Variants in USP7 observed in about 807,000 individuals in gnomAD.
USP7 encodes the protein ubiquitin C-terminal hydrolase 7.
A neutral mutation model predicts 162.9 loss-of-function variants in USP7; 9 were observed. The observed-to-expected ratio is 0.06, with a 90% CI of 0.03 to 0.10. The LOEUF (loss-of-function observed/expected upper bound fraction) is 0.10, where lower values mean the gene tolerates loss of function less well. Among genes scored for constraint, USP7 ranks in the 10% least tolerant of loss-of-function variants. The pLI is 1.00. For missense variants in USP7, 715 were observed against 1,373.7 expected, an observed-to-expected ratio of 0.52 and a Z score of 7.58; for synonymous variants, 562 against 475.9, an observed-to-expected ratio of 1.18 and a Z score of -2.35.
chr16:8,931,913 C>G (rs139916831), intron 1 of USP7, among the ~76,000 whole-genome samples: 196 of 152,340 alleles, frequency 1.3e-3, no homozygotes, highest in African/African-American at 3.7e-3. Context: ...TGGACACCAA[C>G]AGAAATTAAG....
Position 8,920,393 on chromosome 16 carries a change from C to T in USP7, c.577G>A (p.Val193Ile). Residue 193 changes from valine to isoleucine, a missense_variant, in exon 5 of 31, where the codon GTC (valine) becomes ATC (isoleucine). Transcript: ENST00000344836. ...TGGGGAGCATCCGCCTGTACAAAGA[C>T]TTCAAAGGTAACTTTGTCATCATCT... is the stretch of plus-strand genomic sequence containing the variant. ...FIDDDKVTFE[V>I]FVQADAPHGV... The T allele has an allele frequency of 6.2e-7, 1 of 1,613,542 alleles. No homozygotes were observed. The highest frequency in any genetic ancestry group is 8.5e-7 in the Non-Finnish European group (1 of 1,179,884).
intron 1 of USP7, among the ~76,000 whole-genome samples, chr16:8,946,468 A>G (rs1671904437): frequency 6.6e-6 from 1 of 152,230 alleles, no homozygotes; most frequent in African/African-American, 2.4e-5. Context: ...CTTATGCTCC[A>G]GAAAGAAGCT....
In USP7 at chr16:8,903,340, C is replaced by T. The variant is rs1196903266; in HGVS notation, c.1767G>A (p.Val589=). The change falls in exon 16 of 31, where the codon GTG becomes GTA. Residue 589 remains valine, a synonymous_variant. Coordinates refer to ENST00000344836, the MANE Select transcript of USP7 (RefSeq NM_003470.3). The part of the protein sequence containing the change: ...QGNDMYDEEK[V]KYTVFKVLKN... Reference sequence around the variant, plus strand: ...TCAATACTTTGAACACAGTGTATTTCACTTTTTCTTCATCGTACATGTCAT... The same window carrying T: ...TCAATACTTTGAACACAGTGTATTTTACTTTTTCTTCATCGTACATGTCAT... 1 of 1,614,190 alleles carries T rather than the reference C, an allele frequency of 6.2e-7. No individual in the cohort carries two copies. The highest frequency in any genetic ancestry group is 1.1e-5 in the South Asian group (1 of 91,080).
chr16:8,906,909 T>G (rs2061869226), intron 12 of USP7, among the ~76,000 whole-genome samples: 1 of 152,206 alleles, frequency 6.6e-6, no homozygotes, highest in South Asian at 2.1e-4. Context: ...CATGTAAAAA[T>G]ATTTCCCACT....
rs76569125 is a variant in USP7 at position 8,958,586 on chromosome 16, C to A, written c.79+4621G>T. 6.5e-3 allele frequency among the ~76,000 whole-genome samples: 984 copies of A among 152,278 alleles called. 4 individuals carry two copies. The highest frequency in any genetic ancestry group is 0.011 in the Non-Finnish European group (773 of 68,028). On this transcript the variant is annotated intron_variant, in intron 1 of 30. Coordinates refer to ENST00000344836, the MANE Select transcript of USP7 (RefSeq NM_003470.3). Reference sequence around the variant, plus strand: ...TCAGGGGATGTCTGAGACAGCCAAACGGGCCTGGCAACAGGATGTGGGATA... The same window carrying A: ...TCAGGGGATGTCTGAGACAGCCAAAAGGGCCTGGCAACAGGATGTGGGATA...
chr16:8,911,831 C>T (rs1188109756), intron 10 of USP7, among the ~76,000 whole-genome samples: 1 of 152,118 alleles, frequency 6.6e-6, no homozygotes, highest in Non-Finnish European at 1.5e-5. Context: ...TTACCTGGGG[C>T]AAGGAAAAGA....
intron 2 of USP7, among the ~76,000 whole-genome samples, chr16:8,924,931 T>C (rs1306497304): frequency 1.3e-5 from 2 of 152,194 alleles, no homozygotes; most frequent in African/African-American, 4.8e-5. Context: ...TTGTCCAAAA[T>C]AATTATTTAT....
intron 22 of USP7, 31 bp from the exon 23 acceptor site, chr16:8,899,219 G>A: frequency 1.2e-6 from 2 of 1,610,608 alleles, no homozygotes; most frequent in Non-Finnish European, 1.7e-6. Flanking sequence ...TTCACATTTT[G>A]GGGAAAAATT....
At chr16:8,915,233 T>G in intron 10 of USP7, 21 bp downstream of exon 10, 1 of 1,558,992 alleles carries the variant, frequency 6.4e-7, no homozygotes, top group Non-Finnish European at 8.7e-7. Flanking sequence ...GATCATGCCA[T>G]TAGATACACA....
At chr16:8,962,636 G>A (rs574999138) in intron 1 of USP7, 4 of 289,992 alleles carry the variant, frequency 1.4e-5, no homozygotes, top group Non-Finnish European at 2.2e-5. Flanking sequence ...GCCCGGGTCA[G>A]AACTCTGGGC....
chr16:8,924,766 G>A (rs1178632001), intron 2 of USP7, among the ~76,000 whole-genome samples: 1 of 152,214 alleles, frequency 6.6e-6, no homozygotes, highest in Admixed American at 6.5e-5. Flanking sequence ...CCTCCTGGGA[G>A]GGTAGTATTG....
At position 8,904,581 on chromosome 16, in the gene USP7, A is replaced by G. The variant is rs746239493; in HGVS notation, c.1574-16T>C. On this transcript the variant is annotated splice_polypyrimidine_tract_variant and intron_variant, in intron 14 of 30. Coordinates refer to ENST00000344836, the MANE Select transcript of USP7 (RefSeq NM_003470.3). ...AAAACTTCACCTGCAGGACAAAGGC[A>G]TCCTCTTTGACCCCTGCAGATGGAC... 2 of 1,613,140 alleles carry G rather than the reference A, an allele frequency of 1.2e-6. No homozygotes were observed. Among genetic ancestry groups the G allele is most frequent in the Admixed American group, 1.7e-5 (1 of 59,998 alleles).
chr16:8,952,207 G>A (rs932042837), intron 1 of USP7, among the ~76,000 whole-genome samples: 11 of 152,082 alleles, frequency 7.2e-5, no homozygotes, highest in African/African-American at 2.2e-4. Flanking sequence ...CGGTGATTGC[G>A]CCACTGAATT....
intron 5 of USP7, 87 bp downstream of exon 5, chr16:8,920,272 G>T: frequency 8.7e-7 from 1 of 1,142,898 alleles, no homozygotes; most frequent in Non-Finnish European, 1.3e-6. Flanking sequence ...GATTAAATAT[G>T]TGCATCTCTA....
chr16:8,913,376 A>T (rs569967898), intron 10 of USP7, among the ~76,000 whole-genome samples: 1 of 152,120 alleles, frequency 6.6e-6, no homozygotes, highest in Non-Finnish European at 1.5e-5. Context: ...GAGAAGAGGG[A>T]AGACAGGAGA....
chr16:8,936,504 A>G, intron 1 of USP7: 1 of 1,395,768 alleles, frequency 7.2e-7, no homozygotes, highest in Non-Finnish European at 9.4e-7. Flanking sequence ...ATACTTCAGA[A>G]GTTTGGCTGA....
chr16:8,902,273 C>G (rs116634140), intron 17 of USP7, 86 bp from the exon 18 acceptor site: 3 of 1,574,566 alleles, frequency 1.9e-6, no homozygotes, highest in Middle Eastern at 1.7e-4. Context: ...TTGAAGAAAA[C>G]GTCCAATTCT....
At chr16:8,940,897 C>G (rs569828345) in intron 1 of USP7, among the ~76,000 whole-genome samples, 1 of 151,434 alleles carries the variant, frequency 6.6e-6, no homozygotes, top group African/African-American at 2.5e-5. Context: ...TATATACAGT[C>G]TCCAGAACCT....
chr16:8,936,664 C>T (rs1898749285), intron 1 of USP7: 1 of 1,545,568 alleles, frequency 6.5e-7, no homozygotes, highest in Admixed American at 1.9e-5. Flanking sequence ...GAGGTTCTCT[C>T]ACCCACATCA....
Sources: allele counts gnomAD v4.1 joint callset (sites outside exome capture counted in the v4.1 genomes callset), GRCh38; gene constraint gnomAD v4.1.1; transcripts MANE v1.5; gene names NCBI Gene and HGNC (gene_info 2026-07-23, HGNC 2026-07-21).